The following SGCZ variants were observed in gnomAD, a reference collection of about 807,000 sequenced individuals.
SGCZ encodes zeta-sarcoglycan.
SGCZ carries 40 observed loss-of-function variants against 41.3 expected under a neutral mutation model. The ratio of observed to expected loss-of-function variants is 0.97; its 90% CI spans 0.75 to 1.26. SGCZ has a LOEUF of 1.26. Among genes scored for constraint, SGCZ ranks in the 50% most tolerant of loss-of-function variants. SGCZ has a pLI of 0.00. For missense variants in SGCZ, 552 were observed against 369.8 expected (o/e 1.49, Z -4.04); for synonymous variants, 206 against 137.5 (o/e 1.50, Z -3.49).
At chr8:14,253,243 G>GGTGTGT (rs10681510) in intron 3 of SGCZ, among the ~76,000 whole-genome samples, 4,654 of 148,910 alleles carry the variant, frequency 0.031, 198 homozygotes, top group African/African-American at 0.099. Flanking sequence ...TTGTGTGTAG[G>GGTGTGT]GTGTGTGTGT....
chr8:14,850,729 G>A (rs1803285596), intron 1 of SGCZ, among the ~76,000 whole-genome samples: 1 of 152,166 alleles, frequency 6.6e-6, no homozygotes, highest in Admixed American at 6.5e-5. Context: ...GAGACCAGGT[G>A]GAGGTAATTG....
At chr8:14,682,187 A>G (rs1487586038) in intron 1 of SGCZ, among the ~76,000 whole-genome samples, 2 of 152,130 alleles carry the variant, frequency 1.3e-5, no homozygotes, top group Non-Finnish European at 1.5e-5. Context: ...CGACTAAAGA[A>G]ATGATGGAAA....
intron 1 of SGCZ, among the ~76,000 whole-genome samples, chr8:14,569,328 T>C (rs566672238): frequency 3.2e-4 from 48 of 152,342 alleles, no homozygotes; most frequent in Non-Finnish European, 5.1e-4. Flanking sequence ...TTATTTCTCA[T>C]ACTTTTCACA....
At chr8:14,806,755 A>G (rs1438896180) in intron 1 of SGCZ, among the ~76,000 whole-genome samples, 1 of 152,216 alleles carries the variant, frequency 6.6e-6, no homozygotes. Flanking sequence ...TTCTGATACC[A>G]AAGCCTGGCA....
chr8:14,926,612 T>G (rs1402154590), intron 1 of SGCZ, among the ~76,000 whole-genome samples: 1 of 151,730 alleles, frequency 6.6e-6, no homozygotes, highest in Non-Finnish European at 1.5e-5. Context: ...AGACAGTTTT[T>G]TGTTTGTTTG....
At position 14,979,420 on chromosome 8, in the gene SGCZ, G is replaced by T. The variant is rs367871803; in HGVS notation, c.39+258165C>A. Among the ~76,000 whole-genome samples, 17 of 152,186 alleles carry T rather than the reference G, an allele frequency of 1.1e-4. No homozygotes were observed. The East Asian group carries it at 3.3e-3, about 29-fold the overall frequency. On this transcript the variant is annotated intron_variant, in intron 1 of 7. Transcript: ENST00000382080. ...AAATTTGTAGCCATTAAAAATTAAA[G>T]AATCTACAAGGATGGGAAGTAATGT...
At chr8:14,789,446 G>C (rs1223509150) in intron 1 of SGCZ, among the ~76,000 whole-genome samples, 1 of 152,130 alleles carries the variant, frequency 6.6e-6, no homozygotes, top group South Asian at 2.1e-4. Context: ...CAGCAAGTAA[G>C]CAAATTCACA....
At chr8:14,252,736 C>T (rs1198944741) in intron 3 of SGCZ, among the ~76,000 whole-genome samples, 2 of 152,142 alleles carry the variant, frequency 1.3e-5, no homozygotes, top group Non-Finnish European at 2.9e-5. Context: ...CTCCAATGGC[C>T]TGATGTTCCT....
At chr8:14,864,385 C>A (rs978893182) in intron 1 of SGCZ, among the ~76,000 whole-genome samples, 1 of 152,090 alleles carries the variant, frequency 6.6e-6, no homozygotes, top group Non-Finnish European at 1.5e-5. Context: ...TTTCCATAAC[C>A]TAGACTTTTA....
intron 1 of SGCZ, among the ~76,000 whole-genome samples, chr8:15,181,655 T>C (rs1800184000): frequency 6.6e-6 from 1 of 151,850 alleles, no homozygotes. Flanking sequence ...TTTGATACGC[T>C]AAAAAAAAGT....
chr8:14,587,238 C>T (rs1021147912), intron 1 of SGCZ, among the ~76,000 whole-genome samples: 4 of 151,734 alleles, frequency 2.6e-5, no homozygotes, highest in African/African-American at 9.7e-5. Context: ...CAAACTTCTA[C>T]TATATCTTAG....
Position 14,978,470 on chromosome 8 carries a change from C to CAAAAAAAAAAAAA in SGCZ, c.39+259102_39+259114dup, listed in dbSNP as rs59543494. ...TGGAGGACCGAGTGAGACACCGTCA[C>CAAAAAAAAAAAAA]AAAAAAAAAAAAAAAAAAAAAAAAA... On this transcript the variant is annotated intron_variant, in intron 1 of 7. Transcript: ENST00000382080. Among the ~76,000 whole-genome samples, 55 of 62,822 alleles carry CAAAAAAAAAAAAA rather than the reference C, an allele frequency of 8.8e-4. 4 individuals carry two copies. Among genetic ancestry groups the CAAAAAAAAAAAAA allele is most frequent in the African/African-American group, 4.1e-3 (49 of 12,048 alleles). 41.2% of individuals were successfully genotyped at this position (62,822 alleles called of 152,430 possible).
intron 2 of SGCZ, among the ~76,000 whole-genome samples, chr8:14,412,071 A>C (rs1461105811): frequency 1.3e-5 from 2 of 152,136 alleles, no homozygotes; most frequent in African/African-American, 4.8e-5. Flanking sequence ...GTTGACCTCA[A>C]AATTGCCATT....
At chr8:14,533,702 T>C (rs888545479) in intron 2 of SGCZ, among the ~76,000 whole-genome samples, 16 of 152,026 alleles carry the variant, frequency 1.1e-4, no homozygotes, top group African/African-American at 2.7e-4. Context: ...TTTCTACTTT[T>C]ACATTATAAT....
chr8:15,082,518 G>C (rs903083257), intron 1 of SGCZ, among the ~76,000 whole-genome samples: 1 of 151,772 alleles, frequency 6.6e-6, no homozygotes, highest in Non-Finnish European at 1.5e-5. Context: ...AAAACACTGA[G>C]TTACAGAAAT....
At chr8:15,062,042 G>A (rs1219125863) in intron 1 of SGCZ, among the ~76,000 whole-genome samples, 1 of 152,112 alleles carries the variant, frequency 6.6e-6, no homozygotes. Flanking sequence ...TGCTGCACCA[G>A]AACTGGAATA....
chr8:14,128,994 G>T (rs1156582379), intron 5 of SGCZ, among the ~76,000 whole-genome samples: 2 of 152,000 alleles, frequency 1.3e-5, no homozygotes, highest in African/African-American at 4.8e-5. Flanking sequence ...ACACTTTTTA[G>T]GTTATATGAG....
At chr8:14,879,124 A>C (rs1287289305) in intron 1 of SGCZ, 3 of 152,158 alleles carry the variant, frequency 2.0e-5, no homozygotes, top group Non-Finnish European at 4.4e-5. Context: ...CAGGAATTTA[A>C]GACCAGCCTG....
intron 1 of SGCZ, among the ~76,000 whole-genome samples, chr8:15,154,502 G>C (rs75148183): frequency 0.016 from 2,421 of 152,276 alleles, 70 homozygotes; most frequent in African/African-American, 0.055. Flanking sequence ...CAGAGAGATG[G>C]ACCCCAGTAC....
Sources: gnomAD v4.1 joint callset for allele counts (sites outside exome capture counted in the v4.1 genomes callset) on GRCh38, gnomAD v4.1.1 for gene constraint, MANE v1.5 for transcripts, NCBI Gene and HGNC (gene_info 2026-07-23, HGNC 2026-07-21) for gene names.